MAML3: variants seen among roughly 807,000 people sequenced by gnomAD.
MAML3 encodes mastermind like transcriptional coactivator 3.
Under a neutral mutation model 101.9 loss-of-function variants are expected in MAML3, and 27 were observed. The ratio of observed to expected loss-of-function variants is 0.27; its 90% CI spans 0.20 to 0.37. The LOEUF is 0.37. MAML3 is among the 10% of genes least tolerant of loss of function. The pLI, the probability that MAML3 is intolerant of heterozygous loss-of-function variation, is 1.00. For missense variants in MAML3, 1,316 were observed against 1,444.9 expected, an observed-to-expected ratio of 0.91 and a Z score of 1.45; for synonymous variants, 501 against 555.9, an observed-to-expected ratio of 0.90 and a Z score of 1.39.
rs549485267 is a variant in MAML3, at chr4:139,718,313, C to T, written c.*1010G>A. ...TCAGGCATTGTCTAAGTTCTTCCTG[C>T]ATTTATGTGGACTCTGCCCAAGGCT... is the stretch of plus-strand genomic sequence containing the variant. On this transcript the variant is annotated 3_prime_UTR_variant, in exon 5 of 5. Transcript: ENST00000509479. The T allele has an allele frequency of 4.6e-5, 7 of 152,348 alleles. No individual in the cohort carries two copies. The highest frequency in any genetic ancestry group is 1.4e-4 in the African/African-American group (6 of 41,564). The allele number at this position is 152,348 out of a possible 1,614,324, so 9.4% of individuals were successfully genotyped here. A position where few individuals can be genotyped will look rare whatever the true frequency, so the allele number is the denominator to read the frequency against.
intron 1 of MAML3, among the ~76,000 whole-genome samples, chr4:139,952,833 A>T (rs116263268): frequency 6.6e-6 from 1 of 152,190 alleles, no homozygotes; most frequent in Non-Finnish European, 1.5e-5. Flanking sequence ...GACTCCCCCA[A>T]ATCCCCTAGG....
intron 1 of MAML3, among the ~76,000 whole-genome samples, chr4:139,936,179 T>A (rs2110733232): frequency 6.6e-6 from 1 of 152,260 alleles, no homozygotes; most frequent in African/African-American, 2.4e-5. Flanking sequence ...CCCCATGTTG[T>A]CACAAATTGC....
chr4:140,111,706 A>T (rs1728441243), intron 1 of MAML3, among the ~76,000 whole-genome samples: 1 of 152,228 alleles, frequency 6.6e-6, no homozygotes, highest in South Asian at 2.1e-4. Context: ...GTGGGAGAAT[A>T]CCCCACTTGT....
At chr4:139,776,260 G>C (rs952088770) in intron 2 of MAML3, among the ~76,000 whole-genome samples, 2 of 152,162 alleles carry the variant, frequency 1.3e-5, no homozygotes, top group Non-Finnish European at 2.9e-5. Flanking sequence ...GAGGTGTTGT[G>C]ATGGTCTAGG....
chr4:140,093,943 G>A (rs1728106736), intron 1 of MAML3, among the ~76,000 whole-genome samples: 1 of 152,148 alleles, frequency 6.6e-6, no homozygotes, highest in Non-Finnish European at 1.5e-5. Context: ...TGATCCCCCT[G>A]ACATTCCATC....
chr4:140,148,466 A>T (rs1486061348), intron 1 of MAML3, among the ~76,000 whole-genome samples: 2 of 152,238 alleles, frequency 1.3e-5, no homozygotes, highest in African/African-American at 4.8e-5. Flanking sequence ...ACAAAATTTC[A>T]AAAAGTTTTC....
At chr4:139,807,053 A>T (rs944531801) in intron 2 of MAML3, among the ~76,000 whole-genome samples, 1 of 152,238 alleles carries the variant, frequency 6.6e-6, no homozygotes, top group Non-Finnish European at 1.5e-5. Context: ...GTTAAAATTC[A>T]CCACAATAAT....
chr4:140,102,886 G>C (rs1728276266), intron 1 of MAML3, among the ~76,000 whole-genome samples: 1 of 152,218 alleles, frequency 6.6e-6, no homozygotes, highest in Non-Finnish European at 1.5e-5. Flanking sequence ...GAAGGCCACA[G>C]TAGGAAGTAA....
chr4:140,107,277 C>T (rs922082555), intron 1 of MAML3, among the ~76,000 whole-genome samples: 3 of 152,152 alleles, frequency 2.0e-5, no homozygotes, highest in Admixed American at 6.5e-5. Flanking sequence ...ATATAAACTA[C>T]ACAATGAAAA....
chr4:140,028,376 C>G (rs1327585803), intron 1 of MAML3, among the ~76,000 whole-genome samples: 1 of 152,102 alleles, frequency 6.6e-6, no homozygotes, highest in African/African-American at 2.4e-5. Flanking sequence ...ATACTCTGAA[C>G]AAGTGAGAAC....
intron 2 of MAML3, among the ~76,000 whole-genome samples, chr4:139,753,350 A>ATCTG (rs1320380814): frequency 2.0e-5 from 3 of 149,684 alleles, no homozygotes; most frequent in African/African-American, 5.0e-5. Flanking sequence ...TAATCTATCT[A>ATCTG]TCTATCTATC....
At chr4:139,838,542 G>C (rs1209150903) in intron 2 of MAML3, among the ~76,000 whole-genome samples, 1 of 152,090 alleles carries the variant, frequency 6.6e-6, no homozygotes, top group East Asian at 1.9e-4. Context: ...GGAATCTTAA[G>C]CTTAGTAAAA....
At chr4:139,822,570 G>A (rs1226193350) in intron 2 of MAML3, among the ~76,000 whole-genome samples, 1 of 152,192 alleles carries the variant, frequency 6.6e-6, no homozygotes, top group Non-Finnish European at 1.5e-5. Context: ...CTTAAGAACA[G>A]CATCTGCTCC....
intron 1 of MAML3, among the ~76,000 whole-genome samples, chr4:140,151,700 G>C (rs928906414): frequency 6.7e-6 from 1 of 149,708 alleles, no homozygotes; most frequent in Admixed American, 6.8e-5. Flanking sequence ...CGGGGGGGGG[G>C]GGCACACACC....
intron 2 of MAML3, among the ~76,000 whole-genome samples, chr4:139,766,676 A>G (rs1056916113): frequency 6.6e-6 from 1 of 152,332 alleles, no homozygotes; most frequent in African/African-American, 2.4e-5. Flanking sequence ...TTCTCCCGAC[A>G]ACTCCAAGTC....
rs1242718860 is a variant in MAML3 at position 139,977,703 on chromosome 4, T to C, written c.469-86736A>G. On this transcript the variant is annotated intron_variant, in intron 1 of 4. Transcript: ENST00000509479. ...GCCCAGCCAACATGGTGAAACCCCG[T>C]CTCTACTAAAAATACAAAAATCAGC... Among the ~76,000 whole-genome samples, 3 of 151,656 alleles carry C rather than the reference T, an allele frequency of 2.0e-5. No individual in the cohort carries two copies. The East Asian group carries it at 5.8e-4, about 29-fold the overall frequency.
intron 2 of MAML3, among the ~76,000 whole-genome samples, chr4:139,867,606 A>G (rs914264925): frequency 2.0e-5 from 3 of 152,234 alleles, no homozygotes; most frequent in African/African-American, 7.2e-5. Context: ...CAAATGTGAG[A>G]TCTGAACCAG....
At chr4:139,942,632 CTT>C (rs760397954) in intron 1 of MAML3, among the ~76,000 whole-genome samples, 18 of 144,196 alleles carry the variant, frequency 1.2e-4, no homozygotes, top group East Asian at 2.0e-4. Context: ...AATTTCATTA[CTT>C]TTTTTTTTTT....
intron 1 of MAML3, among the ~76,000 whole-genome samples, chr4:139,970,024 T>A (rs1461850414): frequency 6.6e-6 from 1 of 152,236 alleles, no homozygotes; most frequent in African/African-American, 2.4e-5. Context: ...GATTTTTCAT[T>A]AACTACTGGG....
Sources: allele counts gnomAD v4.1 joint callset (sites outside exome capture counted in the v4.1 genomes callset), GRCh38; gene constraint gnomAD v4.1.1; transcripts MANE v1.5; gene names NCBI Gene and HGNC (gene_info 2026-07-23, HGNC 2026-07-21).